PRKG1: variants seen among roughly 807,000 people sequenced by gnomAD.
PRKG1 encodes cGMP-dependent protein kinase 1.
Under a neutral mutation model 88.1 loss-of-function variants are expected in PRKG1, and 35 were observed. The observed-to-expected ratio is 0.40, with a 90% CI of 0.30 to 0.53. The LOEUF is 0.53. Ranked by LOEUF, PRKG1 falls within the 20% of genes least tolerant of loss-of-function variation. PRKG1 has a pLI of 0.59. For missense variants in PRKG1, 540 were observed against 839.8 expected (o/e 0.64, Z 4.41); for synonymous variants, 303 against 292.5 (o/e 1.04, Z -0.37).
At chr10:51,586,557 T>A (rs145719513) in intron 3 of PRKG1, among the ~76,000 whole-genome samples, 1 of 152,136 alleles carries the variant, frequency 6.6e-6, no homozygotes. Flanking sequence ...TTATTAAAAC[T>A]TTATTAAAAT....
At position 51,507,084 on chromosome 10, in the gene PRKG1, A is replaced by AG. The variant is rs1488530965; in HGVS notation, c.592+39250dup. Among the ~76,000 whole-genome samples, 6 of 148,990 alleles carry AG rather than the reference A, an allele frequency of 4.0e-5. No homozygotes were observed. In the East Asian group the frequency reaches 1.3e-3, roughly 31 times the overall value. On this transcript the variant is annotated intron_variant, in intron 3 of 17. Coordinates refer to ENST00000373980, the MANE Select transcript of PRKG1 (RefSeq NM_006258.4). ...CCAAACACCACATGTTCTCACTCAT[A>AG]GGTGGGAATTGAACAATGAGAACAC... is the stretch of plus-strand genomic sequence containing the variant.
At chr10:52,079,709 G>A (rs1846720924) in intron 7 of PRKG1, among the ~76,000 whole-genome samples, 1 of 152,200 alleles carries the variant, frequency 6.6e-6, no homozygotes. Flanking sequence ...GAGATAGCTG[G>A]TAGAGGGGGA....
intron 3 of PRKG1, among the ~76,000 whole-genome samples, chr10:51,644,118 C>A (rs531962768): frequency 6.6e-6 from 1 of 152,252 alleles, no homozygotes; most frequent in Admixed American, 6.5e-5. Context: ...AACTAATAAA[C>A]TCTTAGTATC....
At chr10:52,276,136 A>T (rs1450732813) in intron 12 of PRKG1, among the ~76,000 whole-genome samples, 1 of 152,130 alleles carries the variant, frequency 6.6e-6, no homozygotes, top group Admixed American at 6.6e-5. Flanking sequence ...GCAAACAGTG[A>T]CAGTTTGACT....
intron 5 of PRKG1, among the ~76,000 whole-genome samples, chr10:51,990,180 T>C (rs1844267685): frequency 6.6e-6 from 1 of 152,150 alleles, no homozygotes. Context: ...TATTCTGTTA[T>C]ATTAATCTTA....
chr10:51,582,669 G>A (rs1838070951), intron 3 of PRKG1, among the ~76,000 whole-genome samples: 2 of 152,086 alleles, frequency 1.3e-5, no homozygotes, highest in South Asian at 2.1e-4. Context: ...ACTCCATGAT[G>A]TATATGTACC....
At position 51,735,595 on chromosome 10, in the gene PRKG1, T is replaced by C. The variant is rs370837077; in HGVS notation, c.593-68990T>C. ...GGGGGGATTATTCCAAGACTGTCCT[T>C]GGATACCAAATCCACTCAAGTCCCT... On this transcript the variant is annotated intron_variant, in intron 3 of 17. Coordinates refer to ENST00000373980, the MANE Select transcript of PRKG1 (RefSeq NM_006258.4). Among the ~76,000 whole-genome samples the C allele has an allele frequency of 2.0e-5, 3 of 152,228 alleles. No individual in the cohort carries two copies. The South Asian group carries it at 6.2e-4, about 32-fold the overall frequency.
At chr10:51,109,620 A>G (rs1050711050) in intron 1 of PRKG1, among the ~76,000 whole-genome samples, 1 of 152,168 alleles carries the variant, frequency 6.6e-6, no homozygotes, top group Non-Finnish European at 1.5e-5. Flanking sequence ...AACTACTAAT[A>G]AAGTAGTTTT....
intron 9 of PRKG1, among the ~76,000 whole-genome samples, chr10:52,215,584 T>A (rs551336198): frequency 4.2e-4 from 64 of 152,194 alleles, no homozygotes; most frequent in Non-Finnish European, 8.7e-4. Context: ...GGAAGATGTC[T>A]GAATACACTT....
intron 2 of PRKG1, among the ~76,000 whole-genome samples, chr10:51,265,828 C>T (rs887792483): frequency 5.9e-5 from 9 of 152,084 alleles, no homozygotes; most frequent in Non-Finnish European, 1.3e-4. Flanking sequence ...TTTTACCCAC[C>T]TGGAGATAGG....
chr10:51,457,373 C>G (rs775092753), intron 2 of PRKG1, among the ~76,000 whole-genome samples: 5 of 151,948 alleles, frequency 3.3e-5, no homozygotes, highest in South Asian at 2.1e-4. Flanking sequence ...GGGAGCTAAG[C>G]TATAAGGACA....
intron 2 of PRKG1, among the ~76,000 whole-genome samples, chr10:51,160,495 A>C (rs1846330963): frequency 6.6e-6 from 1 of 152,192 alleles, no homozygotes; most frequent in Non-Finnish European, 1.5e-5. Flanking sequence ...CAAATTTGTT[A>C]AATAATATCA....
rs572676500 is a variant in PRKG1 at position 51,164,381 on chromosome 10, A to G, written c.478+11051A>G. ...ACTAACAAACAGAAAGGACATCCAC[A>G]CCAAAAACCCATCTGTACATCACCA... On this transcript the variant is annotated intron_variant, in intron 2 of 17. Coordinates refer to ENST00000373980, the MANE Select transcript of PRKG1 (RefSeq NM_006258.4). 9.1e-4 allele frequency among the ~76,000 whole-genome samples: 139 copies of G among 152,304 alleles called. 1 individual carries two copies. Among genetic ancestry groups the G allele is most frequent in the African/African-American group, 3.1e-3 (130 of 41,566 alleles).
rs374473435 is a variant in PRKG1 at position 51,726,877 on chromosome 10, C to T, written c.593-77708C>T. 2.7e-4 allele frequency among the ~76,000 whole-genome samples: 41 copies of T among 152,124 alleles called. No homozygotes were observed. The East Asian group carries it at 7.0e-3, about 26-fold the overall frequency. On this transcript the variant is annotated intron_variant, in intron 3 of 17. Transcript: ENST00000373980. ...CTGCAAGCTCCGCCTCCCAGGTTCACGCCATTCTCCTGCCTCAGCCTCCCA... is the reference window on the plus strand; with the variant it reads ...CTGCAAGCTCCGCCTCCCAGGTTCATGCCATTCTCCTGCCTCAGCCTCCCA...
intron 2 of PRKG1, among the ~76,000 whole-genome samples, chr10:51,393,436 G>A (rs937216149): frequency 2.4e-4 from 37 of 151,050 alleles, no homozygotes; most frequent in Non-Finnish European, 3.8e-4. Context: ...AGGCAGAGAC[G>A]CTCCTCACTT....
At chr10:51,531,724 A>G (rs1409669727) in intron 3 of PRKG1, among the ~76,000 whole-genome samples, 2 of 134,238 alleles carry the variant, frequency 1.5e-5, no homozygotes, top group Non-Finnish European at 3.0e-5. Flanking sequence ...AGCTCACTGC[A>G]ACCTCCACCT....
intron 3 of PRKG1, among the ~76,000 whole-genome samples, chr10:51,708,662 G>C (rs549492856): frequency 1.3e-5 from 2 of 152,256 alleles, no homozygotes; most frequent in African/African-American, 4.8e-5. Context: ...TGAAGGTCCA[G>C]CTTTATTCTG....
chr10:52,013,969 T>C lies in PRKG1; in HGVS notation c.763-40515T>C, dbSNP rs1844967517. ...CTCACTGCCCTTATATTTAGCTGAC[T>C]GCCACATTTCCTGCTTTTTCCTTAG... On this transcript the variant is annotated intron_variant, in intron 5 of 17. Transcript: ENST00000373980. Among the ~76,000 whole-genome samples the C allele has an allele frequency of 1.3e-5, 2 of 152,152 alleles. 1 individual carries two copies. The highest frequency in any genetic ancestry group is 4.1e-4 in the South Asian group (2 of 4,826).
intron 2 of PRKG1, among the ~76,000 whole-genome samples, chr10:51,329,725 GT>G (rs544391987): frequency 6.6e-6 from 1 of 151,714 alleles, no homozygotes; most frequent in African/African-American, 2.4e-5. Flanking sequence ...CTTGTTTTTT[GT>G]TTTTTTGTTT....
Sources: allele counts gnomAD v4.1 joint callset (sites outside exome capture counted in the v4.1 genomes callset), GRCh38; gene constraint gnomAD v4.1.1; transcripts MANE v1.5; gene names NCBI Gene and HGNC (gene_info 2026-07-23, HGNC 2026-07-21).